The following HESX1 variants were observed in gnomAD, a reference collection of about 807,000 sequenced individuals.
HESX1 encodes the protein HESX homeobox 1, also known as homeobox expressed in ES cells 1.
Under a neutral mutation model 22.5 loss-of-function variants are expected in HESX1, and 11 were observed. That is an observed-to-expected ratio of 0.49 (90% CI 0.31 to 0.81). HESX1 has a LOEUF of 0.81. Ranked by LOEUF, HESX1 falls within the 30% of genes least tolerant of loss-of-function variation. The pLI is 0.05. For synonymous variants in HESX1, 74 were observed against 76.5 expected (o/e 0.97, Z 0.17); for missense variants, 201 against 212.6 (o/e 0.95, Z 0.34).
chr3:57,226,039 G>A (rs1423332002), intron 1 of HESX1, among the ~76,000 whole-genome samples: 2 of 151,848 alleles, frequency 1.3e-5, no homozygotes, highest in Admixed American at 6.6e-5. Context: ...CACCACGCCC[G>A]GCTAATTTTT....
intron 1 of HESX1, among the ~76,000 whole-genome samples, chr3:57,206,471 A>G (rs557301310): frequency 6.6e-6 from 1 of 152,352 alleles, no homozygotes; most frequent in Non-Finnish European, 1.5e-5. Flanking sequence ...CTTCTATTAC[A>G]AAACAGCTTG....
At chr3:57,227,273 A>T (rs973069612), upstream of HESX1, among the ~76,000 whole-genome samples, 1 of 152,224 alleles carries the variant, frequency 6.6e-6, no homozygotes, top group African/African-American at 2.4e-5. Context: ...TTATTGACAC[A>T]GCTGCGGATC....
chr3:57,203,990 C>A (rs2060504972), upstream of HESX1, among the ~76,000 whole-genome samples: 1 of 152,144 alleles, frequency 6.6e-6, no homozygotes, highest in African/African-American at 2.4e-5. Context: ...ACTGTGAGAT[C>A]ATCCCTGAGA....
chr3:57,223,577 T>A (rs2060626958), intron 1 of HESX1, among the ~76,000 whole-genome samples: 2 of 152,260 alleles, frequency 1.3e-5, no homozygotes, highest in Admixed American at 1.3e-4. Flanking sequence ...AACCCATTCC[T>A]CAGAACTTTT....
At position 57,198,925 on chromosome 3, in the gene HESX1, A is replaced by T. The variant is rs766932789; in HGVS notation, c.185T>A (p.Val62Asp). 6.2e-7 allele frequency: 1 copy of T among 1,614,152 alleles called. No homozygotes were observed. Among genetic ancestry groups the T allele is most frequent in the South Asian group, 1.1e-5 (1 of 91,084 alleles). Residue 62 changes from valine (V) to aspartate (D), a missense_variant, in exon 2 of 4, where the codon GTC becomes GAC. Val to Asp is a radical substitution (Grantham distance 152). Transcript: ENST00000295934. Reference sequence around the variant, plus strand: ...TGAAATCCCACTGGGAGGATTTGGGACATGTAGACATAAGTTACCATCTTT... The same window carrying T: ...TGAAATCCCACTGGGAGGATTTGGGTCATGTAGACATAAGTTACCATCTTT... ...SGKDGNLCLHVPNPPSGISFP... is the reference protein window; with the variant it reads ...SGKDGNLCLHDPNPPSGISFP...
At chr3:57,212,057 T>G (rs1315080897) in intron 1 of HESX1, among the ~76,000 whole-genome samples, 1 of 152,168 alleles carries the variant, frequency 6.6e-6, no homozygotes. Context: ...AAATGTTAAG[T>G]AAGTTTATTG....
At chr3:57,202,197 G>C (rs1199337201), upstream of HESX1, among the ~76,000 whole-genome samples, 1 of 152,090 alleles carries the variant, frequency 6.6e-6, no homozygotes, top group Non-Finnish European at 1.5e-5. Context: ...GGGATTACAG[G>C]CTTCAGCCAC....
chr3:57,199,563 G>A (rs1295007697), intron 1 of HESX1, among the ~76,000 whole-genome samples, 199 bp downstream of exon 1: 1 of 151,066 alleles, frequency 6.6e-6, no homozygotes, highest in Non-Finnish European at 1.5e-5. Flanking sequence ...AGGCTGCAGT[G>A]AGCCAAGATT....
chr3:57,205,965 C>T (rs1473808668), intron 1 of HESX1, among the ~76,000 whole-genome samples: 13 of 151,976 alleles, frequency 8.6e-5, no homozygotes, highest in African/African-American at 7.3e-5. Flanking sequence ...CCGAGGTGGG[C>T]GGGTCACTTG....
At chr3:57,220,545 T>C (rs2060610143) in intron 1 of HESX1, among the ~76,000 whole-genome samples, 1 of 152,168 alleles carries the variant, frequency 6.6e-6, no homozygotes, top group Non-Finnish European at 1.5e-5. Flanking sequence ...TTCTCCTGCT[T>C]CAGCCTCCCA....
intron 1 of HESX1, among the ~76,000 whole-genome samples, chr3:57,218,439 C>CTTTTTTTTTTTTTT (rs60734023): frequency 9.8e-6 from 1 of 102,274 alleles, no homozygotes. Flanking sequence ...TGATCTCATT[C>CTTTTTTTTTTTTTT]TTTTTTTTTT....
At chr3:57,222,733 C>T (rs144280464) in intron 1 of HESX1, among the ~76,000 whole-genome samples, 3,640 of 152,272 alleles carry the variant, frequency 0.024, 67 homozygotes, top group South Asian at 0.04. Context: ...TGGCAATAAT[C>T]TTGGCTATTT....
At chr3:57,219,026 T>C (rs972540869) in intron 1 of HESX1, among the ~76,000 whole-genome samples, 2 of 152,206 alleles carry the variant, frequency 1.3e-5, no homozygotes, top group Admixed American at 1.3e-4. Flanking sequence ...TAATTTACAC[T>C]CCCACCAATA....
At chr3:57,198,351 C>T in intron 3 of HESX1, 40 bp downstream of exon 3, 1 of 1,543,096 alleles carries the variant, frequency 6.5e-7, no homozygotes, top group Admixed American at 1.7e-5. Flanking sequence ...TTATTCTTAA[C>T]ATTTCAACAT....
chr3:57,207,263 T>C (rs1236820393), intron 1 of HESX1, among the ~76,000 whole-genome samples: 2 of 152,186 alleles, frequency 1.3e-5, no homozygotes, highest in African/African-American at 4.8e-5. Flanking sequence ...ATATAGTTTT[T>C]AGGTAAAGGT....
chr3:57,209,428 T>A (rs529213394), intron 1 of HESX1, among the ~76,000 whole-genome samples: 22 of 152,160 alleles, frequency 1.4e-4, no homozygotes, highest in Middle Eastern at 3.4e-3. Flanking sequence ...GGGTGGATCA[T>A]CTGAAGTTCG....
At chr3:57,198,716 C>T in intron 2 of HESX1, 37 bp downstream of exon 2, 1 of 1,591,970 alleles carries the variant, frequency 6.3e-7, no homozygotes, top group Non-Finnish European at 8.6e-7. Context: ...CAATTAAAGC[C>T]TTTATATTAT....
chr3:57,218,645 G>A (rs113014793), intron 1 of HESX1, among the ~76,000 whole-genome samples: 11 of 152,056 alleles, frequency 7.2e-5, no homozygotes, highest in Admixed American at 4.6e-4. Flanking sequence ...GTTTTGCCAT[G>A]TTGGCCAGGC....
In HESX1 at chr3:57,198,082, T is replaced by C; in HGVS notation, c.*115A>G. 1 of 760,736 alleles carries C rather than the reference T, an allele frequency of 1.3e-6. No homozygotes were observed. Among genetic ancestry groups the C allele is most frequent in the South Asian group, 1.6e-5 (1 of 62,636 alleles). 47.1% of individuals were successfully genotyped at this position (760,736 alleles called of 1,614,324 possible). ...ATTTACAATATATTTTCAGAAAAAA[T>C]GACAATATTCAGATTAAATGCAGGA... On this transcript the variant is annotated 3_prime_UTR_variant, in exon 4 of 4. Transcript: ENST00000295934.
Sources: gnomAD v4.1 joint callset for allele counts (sites outside exome capture counted in the v4.1 genomes callset) on GRCh38, gnomAD v4.1.1 for gene constraint, MANE v1.5 for transcripts, NCBI Gene and HGNC (gene_info 2026-07-23, HGNC 2026-07-21) for gene names.